Variants in STAP1 observed in about 807,000 individuals in gnomAD.
STAP1 encodes the protein signal transducing adaptor family member 1.
Under a neutral mutation model 37.8 loss-of-function variants are expected in STAP1, and 30 were observed. That is an observed-to-expected ratio of 0.79 (90% CI 0.59 to 1.08). The LOEUF is 1.08. Ranked by LOEUF, STAP1 falls within the 50% of genes least tolerant of loss-of-function variation. The pLI is 0.00. For missense variants in STAP1, 357 were observed against 349.4 expected (o/e 1.02, Z -0.17); for synonymous variants, 130 against 116.0 (o/e 1.12, Z -0.78).
chr4:67,604,855 G>C (rs372986298), intron 8 of STAP1, among the ~76,000 whole-genome samples: 16 of 152,228 alleles, frequency 1.1e-4, no homozygotes, highest in Admixed American at 8.5e-4. Context: ...TTCCAATATT[G>C]GTTCAGTTTT....
chr4:67,579,584 A>G (rs542487672), intron 4 of STAP1, among the ~76,000 whole-genome samples: 1 of 152,320 alleles, frequency 6.6e-6, no homozygotes, highest in African/African-American at 2.4e-5. Context: ...AAGGGCCTCA[A>G]GGAGCTTTTA....
At chr4:67,597,395 G>A (rs143975229) in intron 8 of STAP1, among the ~76,000 whole-genome samples, 75 of 152,306 alleles carry the variant, frequency 4.9e-4, no homozygotes, top group African/African-American at 1.6e-3. Flanking sequence ...GGAGAACCTC[G>A]ACTAGGGCAA....
chr4:67,603,802 GGA>G lies in STAP1; in HGVS notation c.827-2492_827-2491del, dbSNP rs1728394554. 2.6e-5 allele frequency among the ~76,000 whole-genome samples: 4 copies of G among 151,982 alleles called. No individual in the cohort carries two copies. The South Asian group carries it at 8.3e-4, about 32-fold the overall frequency. ...CTCTTCTCTACTCAAGCAGAAAGGA[GGA>G]GTCTTTCCTGGAGTTGTGCTGCCTG... is the stretch of plus-strand genomic sequence containing the variant. On this transcript the variant is annotated intron_variant, in intron 8 of 8. Coordinates refer to ENST00000265404, the MANE Select transcript of STAP1 (RefSeq NM_012108.4).
At chr4:67,601,778 C>A (rs938166025) in intron 8 of STAP1, among the ~76,000 whole-genome samples, 1 of 152,102 alleles carries the variant, frequency 6.6e-6, no homozygotes, top group African/African-American at 2.4e-5. Context: ...AGGATAATTT[C>A]TTTATCCCAT....
intron 8 of STAP1, among the ~76,000 whole-genome samples, chr4:67,604,664 TG>T (rs1245330560): frequency 6.6e-6 from 1 of 152,232 alleles, no homozygotes; most frequent in African/African-American, 2.4e-5. Flanking sequence ...TTCCTTCTTT[TG>T]TATATCAAGT....
At chr4:67,583,770 C>G in intron 6 of STAP1, 68 bp downstream of exon 6, 3 of 1,545,780 alleles carry the variant, frequency 1.9e-6, no homozygotes, top group Non-Finnish European at 1.8e-6. Flanking sequence ...AAGTCCAGAT[C>G]AGCACCTGCT....
At chr4:67,589,510 A>G (rs1052015222) in intron 6 of STAP1, among the ~76,000 whole-genome samples, 1 of 152,244 alleles carries the variant, frequency 6.6e-6, no homozygotes, top group Non-Finnish European at 1.5e-5. Flanking sequence ...GATTTAAAAA[A>G]AGAAGGTAGA....
rs1727856399 is a variant in STAP1, at chr4:67,581,450, A to T, written c.509A>T (p.Asp170Val). Residue 170 changes from aspartate (D) to valine (V), a missense_variant, in exon 5 of 9, where the codon GAT (aspartate) becomes GTT (valine). Physicochemically the swap from Asp to Val is radical, Grantham distance 152. Coordinates refer to ENST00000265404, the MANE Select transcript of STAP1 (RefSeq NM_012108.4). ...KEKEPTEDYVDVLNPMPACFY... is the reference protein window; with the variant it reads ...KEKEPTEDYVVVLNPMPACFY... ...AAGGAACCAACTGAAGATTATGTGG[A>T]TGTACTGAACCCTATGCCAGCGTAA... is the stretch of plus-strand genomic sequence containing the variant. The T allele has an allele frequency of 6.2e-7, 1 of 1,613,436 alleles. No individual in the cohort carries two copies. Among genetic ancestry groups the T allele is most frequent in the African/African-American group, 1.3e-5 (1 of 74,904 alleles).
chr4:67,570,250 G>A (rs912083266), intron 1 of STAP1, among the ~76,000 whole-genome samples: 2 of 152,084 alleles, frequency 1.3e-5, no homozygotes. Context: ...TCATTAACAA[G>A]TATTATTTAC....
At chr4:67,559,930 G>A (rs561193064) in intron 1 of STAP1, among the ~76,000 whole-genome samples, 1 of 152,176 alleles carries the variant, frequency 6.6e-6, no homozygotes, top group Admixed American at 6.5e-5. Context: ...TTTGTATTCT[G>A]TTATGGATGT....
At chr4:67,561,964 C>T (rs1016012622) in intron 1 of STAP1, among the ~76,000 whole-genome samples, 1 of 150,162 alleles carries the variant, frequency 6.7e-6, no homozygotes, top group Non-Finnish European at 1.5e-5. Context: ...CCCAGCTACT[C>T]GGGAGGCTGA....
intron 1 of STAP1, among the ~76,000 whole-genome samples, chr4:67,568,968 A>C (rs1314866912): frequency 6.6e-6 from 1 of 152,260 alleles, no homozygotes; most frequent in African/African-American, 2.4e-5. Flanking sequence ...ATCAAATTAC[A>C]GTGATGAGTC....
chr4:67,604,648 G>C (rs779615537), intron 8 of STAP1, among the ~76,000 whole-genome samples: 7 of 152,140 alleles, frequency 4.6e-5, no homozygotes, highest in Non-Finnish European at 8.8e-5. Context: ...TGGGGAATTG[G>C]TCAAATTCCT....
chr4:67,583,336 CT>C (rs1187569784), intron 5 of STAP1, among the ~76,000 whole-genome samples: 1 of 152,152 alleles, frequency 6.6e-6, no homozygotes, highest in Non-Finnish European at 1.5e-5. Context: ...TTCAGGTTCT[CT>C]TTGTATAAAA....
chr4:67,582,726 T>A (rs1331585762), intron 5 of STAP1, among the ~76,000 whole-genome samples: 1 of 152,204 alleles, frequency 6.6e-6, no homozygotes, highest in Non-Finnish European at 1.5e-5. Flanking sequence ...CTTTTTGACT[T>A]TAAGATGATG....
chr4:67,569,876 C>T (rs1221220212), intron 1 of STAP1, among the ~76,000 whole-genome samples: 1 of 152,092 alleles, frequency 6.6e-6, no homozygotes, highest in Non-Finnish European at 1.5e-5. Context: ...ATTACAGGTG[C>T]ACGTCACAAT....
chr4:67,560,565 C>T (rs981306153), intron 1 of STAP1, among the ~76,000 whole-genome samples: 4 of 151,974 alleles, frequency 2.6e-5, no homozygotes, highest in Non-Finnish European at 5.9e-5. Flanking sequence ...AGAATGAATA[C>T]CTATAGGCAT....
chr4:67,606,651 T>C lies in STAP1; in HGVS notation c.*294T>C, dbSNP rs1728455765. 2 of 231,096 alleles carry C rather than the reference T, an allele frequency of 8.7e-6. No homozygotes were observed. Among genetic ancestry groups the C allele is most frequent in the East Asian group, 1.7e-4 (2 of 11,548 alleles). The allele number at this position is 231,096 out of a possible 1,614,324, so 14.3% of individuals were successfully genotyped here. On this transcript the variant is annotated 3_prime_UTR_variant, in exon 9 of 9. Coordinates refer to ENST00000265404, the MANE Select transcript of STAP1 (RefSeq NM_012108.4). ...GTACTTTCTAGATGGAATTTTTTTC[T>C]TTAGGCCTCAATGAAATACATTTCC...
At chr4:67,582,411 C>T (rs575116172) in intron 5 of STAP1, among the ~76,000 whole-genome samples, 3 of 151,842 alleles carry the variant, frequency 2.0e-5, no homozygotes, top group South Asian at 2.1e-4. Flanking sequence ...GGGTCTCAAA[C>T]GATTCCCATG....
Sources: allele counts gnomAD v4.1 joint callset (sites outside exome capture counted in the v4.1 genomes callset), GRCh38; gene constraint gnomAD v4.1.1; transcripts MANE v1.5; gene names NCBI Gene and HGNC (gene_info 2026-07-23, HGNC 2026-07-21).